MLLT10: variants seen among roughly 807,000 people sequenced by gnomAD.
MLLT10 encodes the protein MLLT10 histone lysine methyltransferase DOT1L cofactor.
MLLT10 carries 30 observed loss-of-function variants against 129.1 expected under a neutral mutation model. The observed-to-expected ratio is 0.23, with a 90% CI of 0.17 to 0.32. The LOEUF (loss-of-function observed/expected upper bound fraction) is 0.32, where lower values mean the gene tolerates loss of function less well. Ranked by LOEUF, MLLT10 falls within the 10% of genes least tolerant of loss-of-function variation. MLLT10 has a pLI of 1.00. For synonymous variants in MLLT10, 490 were observed against 446.4 expected (o/e 1.10, Z -1.23); for missense variants, 1,119 against 1,268.3 (o/e 0.88, Z 1.79).
chr10:21,671,719 A>T (rs1401243129), intron 10 of MLLT10, among the ~76,000 whole-genome samples: 2 of 152,140 alleles, frequency 1.3e-5, no homozygotes, highest in Non-Finnish European at 2.9e-5. Flanking sequence ...CAGGAGGTTG[A>T]GGCTGCAGTG....
chr10:21,725,718 C>CAAAA (rs369977561), intron 14 of MLLT10, among the ~76,000 whole-genome samples: 2 of 95,680 alleles, frequency 2.1e-5, no homozygotes, highest in African/African-American at 8.5e-5. Flanking sequence ...AACTCTTTCT[C>CAAAA]AAAAAAAAAA....
At chr10:21,687,872 A>G (rs551872428) in intron 13 of MLLT10, among the ~76,000 whole-genome samples, 16 of 152,332 alleles carry the variant, frequency 1.1e-4, no homozygotes, top group African/African-American at 3.8e-4. Context: ...ATGAAATCTT[A>G]TGGGCAGGGT....
chr10:21,558,044 G>A (rs972724029), intron 3 of MLLT10, among the ~76,000 whole-genome samples: 1 of 149,472 alleles, frequency 6.7e-6, no homozygotes, highest in Non-Finnish European at 1.5e-5. Context: ...CTGCCTCCCG[G>A]GTTCAAGCAA....
At chr10:21,608,016 TTTC>T (rs2044233330) in intron 5 of MLLT10, among the ~76,000 whole-genome samples, 1 of 151,940 alleles carries the variant, frequency 6.6e-6, no homozygotes, top group African/African-American at 2.4e-5. Context: ...TGTTTTTTTT[TTTC>T]TTCTTTTTTT....
intron 9 of MLLT10, among the ~76,000 whole-genome samples, chr10:21,664,575 G>A (rs994134324): frequency 1.3e-5 from 2 of 152,036 alleles, no homozygotes; most frequent in African/African-American, 2.4e-5. Flanking sequence ...GATTACAGGC[G>A]TGCCCGGCTC....
At chr10:21,540,724 G>T (rs994925753) in intron 3 of MLLT10, among the ~76,000 whole-genome samples, 7 of 152,042 alleles carry the variant, frequency 4.6e-5, no homozygotes, top group Non-Finnish European at 8.8e-5. Flanking sequence ...TTTATTCCAA[G>T]ACATCTTGTT....
At chr10:21,649,875 T>G (rs1402214204) in intron 8 of MLLT10, among the ~76,000 whole-genome samples, 2 of 152,116 alleles carry the variant, frequency 1.3e-5, no homozygotes, top group Non-Finnish European at 2.9e-5. Context: ...GAGGATGTCT[T>G]AGGATGAGAA....
intron 8 of MLLT10, among the ~76,000 whole-genome samples, chr10:21,632,910 C>G (rs1422415949): frequency 1.3e-5 from 2 of 152,098 alleles, no homozygotes; most frequent in Non-Finnish European, 2.9e-5. Flanking sequence ...TATTATAATA[C>G]ATAACCTGAT....
At chr10:21,610,615 C>T (rs1168335828) in intron 5 of MLLT10, among the ~76,000 whole-genome samples, 1 of 150,776 alleles carries the variant, frequency 6.6e-6, no homozygotes, top group Non-Finnish European at 1.5e-5. Flanking sequence ...TTTCACCCCC[C>T]TTCTTTTTTT....
At chr10:21,675,754 C>T (rs1361530923) in intron 11 of MLLT10, among the ~76,000 whole-genome samples, 1 of 152,074 alleles carries the variant, frequency 6.6e-6, no homozygotes, top group Admixed American at 6.6e-5. Flanking sequence ...TGTGGGGAGA[C>T]CTCTTTACTG....
intron 10 of MLLT10, among the ~76,000 whole-genome samples, chr10:21,672,450 C>T (rs146795334): frequency 6.6e-6 from 1 of 152,128 alleles, no homozygotes; most frequent in East Asian, 1.9e-4. Flanking sequence ...GGATTAGAGG[C>T]ACACGTCACC....
intron 8 of MLLT10, among the ~76,000 whole-genome samples, chr10:21,629,689 G>A (rs935324826): frequency 5.9e-5 from 9 of 152,192 alleles, no homozygotes; most frequent in African/African-American, 2.2e-4. Flanking sequence ...TAAATGTTAT[G>A]TTCTTTGGAT....
intron 8 of MLLT10, among the ~76,000 whole-genome samples, chr10:21,632,352 T>C (rs2131269316): frequency 6.6e-6 from 1 of 152,336 alleles, no homozygotes; most frequent in East Asian, 1.9e-4. Flanking sequence ...TGTAGGTGTT[T>C]AGAATTTTAT....
intron 13 of MLLT10, among the ~76,000 whole-genome samples, chr10:21,683,827 A>G (rs1017375773): frequency 6.6e-6 from 1 of 150,988 alleles, no homozygotes; most frequent in Non-Finnish European, 1.5e-5. Flanking sequence ...GCTCACTGCA[A>G]CCTCCGCCTC....
intron 13 of MLLT10, chr10:21,688,384 C>A: frequency 1.1e-6 from 1 of 891,672 alleles, no homozygotes; most frequent in South Asian, 1.5e-5. Flanking sequence ...GATCCACCCC[C>A]ACACTGCACC....
In MLLT10 at chr10:21,726,347, A is replaced by T. The variant is rs764724342; in HGVS notation, c.1982A>T (p.Asn661Ile). ...GCTCTTATAGCTCAGTCTGAAAACA[A>T]TCAAACAGGTAAGTTTTCAAGAATT... ...MAALIAQSEN[N>I]QTDQDLGDNS... The change falls in exon 15 of 23, where the codon AAT (asparagine) becomes ATT (isoleucine). Residue 661 changes from asparagine to isoleucine, a missense_variant. Asn to Ile is a moderately radical substitution (Grantham distance 149). Coordinates refer to ENST00000307729, the MANE Select transcript of MLLT10 (RefSeq NM_001195626.3). The T allele has an allele frequency of 3.1e-6, 5 of 1,604,972 alleles. 1 individual carries two copies. In the South Asian group the frequency reaches 5.5e-5, roughly 18 times the overall value.
In MLLT10 at chr10:21,670,648, C is replaced by T. The variant is rs749736636; in HGVS notation, c.995C>T (p.Pro332Leu). The change falls in exon 10 of 23, where the codon CCT becomes CTT. Residue 332 changes from proline to leucine, a missense_variant. Transcript: ENST00000307729. ...AHSSGQRGRK[P>L]GGGRNPGTTV... is the part of the protein sequence containing the mutation. Reference sequence around the variant, plus strand: ...AGCTCAGGTCAAAGGGGAAGAAAGCCTGGTGGTGGAAGAAATCCAGGAACA... The same window carrying T: ...AGCTCAGGTCAAAGGGGAAGAAAGCTTGGTGGTGGAAGAAATCCAGGAACA... 3.7e-6 allele frequency: 6 copies of T among 1,614,024 alleles called. No individual in the cohort carries two copies. Among genetic ancestry groups the T allele is most frequent in the African/African-American group, 1.3e-5 (1 of 74,934 alleles).
intron 14 of MLLT10, among the ~76,000 whole-genome samples, chr10:21,718,513 G>A (rs2056908289): frequency 6.6e-6 from 1 of 152,084 alleles, no homozygotes. Context: ...AAGACTGAAT[G>A]CAATGAAACA....
chr10:21,704,029 T>G (rs1300189459), intron 13 of MLLT10, among the ~76,000 whole-genome samples: 50 of 138,840 alleles, frequency 3.6e-4, no homozygotes, highest in African/African-American at 1.3e-3. Context: ...TTTTTTTTTT[T>G]TTTTTTTTTT....
Sources: gnomAD v4.1 joint callset for allele counts (sites outside exome capture counted in the v4.1 genomes callset) on GRCh38, gnomAD v4.1.1 for gene constraint, MANE v1.5 for transcripts, NCBI Gene and HGNC (gene_info 2026-07-23, HGNC 2026-07-21) for gene names.